Variants in PRPF6 observed in about 807,000 individuals in gnomAD.
PRPF6 encodes the protein pre-mRNA-processing factor 6.
PRPF6 carries 42 observed loss-of-function variants against 118.3 expected under a neutral mutation model. That is an observed-to-expected ratio of 0.35 (90% CI 0.28 to 0.46). PRPF6 has a LOEUF of 0.46. Ranked by LOEUF, PRPF6 falls within the 20% of genes least tolerant of loss-of-function variation. PRPF6 has a pLI of 1.00. For synonymous variants in PRPF6, 481 were observed against 485.1 expected, an observed-to-expected ratio of 0.99 and a Z score of 0.11; for missense variants, 662 against 1,255.7, an observed-to-expected ratio of 0.53 and a Z score of 7.15.
rs1555916397 is a variant in PRPF6 at position 63,987,189 on chromosome 20, AG to A, written c.359+2173del. ...TGTCTCAAAAAAAAAAAAAAAAAAA[AG>A]GGGGGGGGAGCATAACACAATAAAA... On this transcript the variant is annotated intron_variant, in intron 3 of 20. Transcript: ENST00000266079. Among the ~76,000 whole-genome samples, 900 of 117,158 alleles carry A rather than the reference AG, an allele frequency of 7.7e-3. 29 individuals carry two copies. Among genetic ancestry groups the A allele is most frequent in the African/African-American group, 0.015 (512 of 33,232 alleles). The allele number at this position is 117,158 out of a possible 152,430, so 76.9% of individuals were successfully genotyped here.
intron 9 of PRPF6, among the ~76,000 whole-genome samples, chr20:64,009,417 C>T (rs557807458): frequency 3.6e-4 from 54 of 152,054 alleles, no homozygotes; most frequent in African/African-American, 1.3e-3. Flanking sequence ...AACCCACACT[C>T]GACCAAGGCA....
At chr20:64,032,431 C>T (rs2059319055) in intron 20 of PRPF6, among the ~76,000 whole-genome samples, 2 of 152,328 alleles carry the variant, frequency 1.3e-5, no homozygotes, top group African/African-American at 2.4e-5. Flanking sequence ...GGCAGCAGCC[C>T]CTCTGCTCCC....
At chr20:64,019,016 C>G (rs964823176) in intron 12 of PRPF6, among the ~76,000 whole-genome samples, 1 of 152,064 alleles carries the variant, frequency 6.6e-6, no homozygotes, top group Non-Finnish European at 1.5e-5. Flanking sequence ...TCCTCCTGCC[C>G]CATGTATGCT....
intron 12 of PRPF6, among the ~76,000 whole-genome samples, 181 bp from the exon 13 acceptor site, chr20:64,022,576 G>A (rs2059271404): frequency 6.6e-6 from 1 of 152,176 alleles, no homozygotes; most frequent in Non-Finnish European, 1.5e-5. Context: ...CCAAAGTGCT[G>A]AGATTACAGG....
intron 3 of PRPF6, among the ~76,000 whole-genome samples, chr20:63,990,316 A>G (rs920804372): frequency 1.3e-5 from 2 of 152,106 alleles, no homozygotes; most frequent in African/African-American, 2.4e-5. Flanking sequence ...TCATGGGGAC[A>G]CAGATGTAAA....
intron 9 of PRPF6, among the ~76,000 whole-genome samples, chr20:64,001,697 G>C (rs1480364097): frequency 6.6e-6 from 1 of 152,218 alleles, no homozygotes; most frequent in East Asian, 1.9e-4. Flanking sequence ...ACTCTTTCCT[G>C]CTGCTGACGA....
chr20:63,986,198 G>C (rs1395056226), intron 3 of PRPF6, among the ~76,000 whole-genome samples: 1 of 151,650 alleles, frequency 6.6e-6, no homozygotes, highest in African/African-American at 2.4e-5. Flanking sequence ...AAAATTAGCC[G>C]GGCATGGTGG....
chr20:64,006,773 C>G (rs182038765), intron 9 of PRPF6, among the ~76,000 whole-genome samples: 3 of 152,164 alleles, frequency 2.0e-5, no homozygotes, highest in Non-Finnish European at 2.9e-5. Flanking sequence ...GAGATCCAGC[C>G]GGGATTGGTG....
intron 14 of PRPF6, among the ~76,000 whole-genome samples, chr20:64,024,992 A>T (rs1193549995): frequency 6.6e-6 from 1 of 152,104 alleles, no homozygotes; most frequent in Non-Finnish European, 1.5e-5. Flanking sequence ...GAATGGATGT[A>T]TTCAGACCGC....
chr20:63,995,587 T>TCTCCTCCTCCTC, intron 6 of PRPF6, 105 bp downstream of exon 6: 1 of 1,296,438 alleles, frequency 7.7e-7, no homozygotes, highest in East Asian at 2.4e-5. Context: ...TTCTCCTCCT[T>TCTCCTCCTCCTC]CTCCTCCTCC....
intron 3 of PRPF6, 129 bp downstream of exon 3, chr20:63,985,154 A>G: frequency 1.4e-6 from 1 of 711,904 alleles, no homozygotes; most frequent in South Asian, 1.4e-5. Flanking sequence ...GCTAGAGCCC[A>G]GGGGTTTGAG....
chr20:64,015,118 T>C (rs1191905741), intron 11 of PRPF6, among the ~76,000 whole-genome samples: 1 of 152,256 alleles, frequency 6.6e-6, no homozygotes, highest in African/African-American at 2.4e-5. Flanking sequence ...TTATATATTC[T>C]GGATATATTG....
At chr20:63,995,605 T>C (rs998220369) in intron 6 of PRPF6, 123 bp downstream of exon 6, 2 of 1,105,792 alleles carry the variant, frequency 1.8e-6, no homozygotes, top group Non-Finnish European at 2.6e-6. Context: ...TCCTCCTTCT[T>C]CTCCTTCTCC....
chr20:63,995,604 T>G, intron 6 of PRPF6, 122 bp downstream of exon 6: 2 of 1,120,500 alleles, frequency 1.8e-6, no homozygotes, highest in Non-Finnish European at 1.3e-6. Flanking sequence ...CTCCTCCTTC[T>G]TCTCCTTCTC....
chr20:63,984,871 A>G, intron 2 of PRPF6, 36 bp from the exon 3 acceptor site: 1 of 1,468,816 alleles, frequency 6.8e-7, no homozygotes, highest in Non-Finnish European at 9.5e-7. Flanking sequence ...GTGTTGAAGG[A>G]AAAGCTGACC....
At chr20:63,985,696 A>G (rs1320276007) in intron 3 of PRPF6, among the ~76,000 whole-genome samples, 1 of 152,248 alleles carries the variant, frequency 6.6e-6, no homozygotes, top group Non-Finnish European at 1.5e-5. Context: ...AGCTACCAAG[A>G]TTGAACCATG....
At chr20:64,003,920 G>A (rs781447477) in intron 9 of PRPF6, among the ~76,000 whole-genome samples, 11 of 152,190 alleles carry the variant, frequency 7.2e-5, no homozygotes, top group Non-Finnish European at 1.5e-4. Context: ...TTATAATGAG[G>A]TGGCCAGGAA....
At position 64,028,577 on chromosome 20, in the gene PRPF6, G is replaced by A. The variant is rs752627203; in HGVS notation, c.2431+8G>A. 3.7e-6 allele frequency: 6 copies of A among 1,608,438 alleles called. No individual in the cohort carries two copies. In the African/African-American group the frequency reaches 8.0e-5, roughly 22 times the overall value. ...AGGAGTGCCCCAACTCCGGTAAGGG[G>A]GTGCCCCGACTCCGGTAAGGGGGTG... On this transcript the variant is annotated splice_region_variant and intron_variant, in intron 18 of 20. Transcript: ENST00000266079. This position sits in a 1 kb window ranked among gnomAD's most constrained non-coding sequence, Gnocchi z 6.5.
Position 63,986,236 on chromosome 20 carries a change from T to A in PRPF6, c.359+1211T>A, listed in dbSNP as rs1446218629. 6.6e-5 allele frequency among the ~76,000 whole-genome samples: 10 copies of A among 150,784 alleles called. No homozygotes were observed. In the Admixed American group the frequency reaches 6.6e-4, roughly 10 times the overall value. ...GGTGTACGCCTATAATCCCAGCTAC[T>A]TGGGAGGCTGAGGCAAGAGAATCGC... On this transcript the variant is annotated intron_variant, in intron 3 of 20. Coordinates refer to ENST00000266079, the MANE Select transcript of PRPF6 (RefSeq NM_012469.4).
Sources: allele counts gnomAD v4.1 joint callset (sites outside exome capture counted in the v4.1 genomes callset), GRCh38; gene constraint gnomAD v4.1.1; non-coding constraint Gnocchi (gnomAD v3.1); transcripts MANE v1.5; gene names NCBI Gene and HGNC (gene_info 2026-07-23, HGNC 2026-07-21).